The following NVL variants were observed in gnomAD, a reference collection of about 807,000 sequenced individuals.
NVL encodes nuclear valosin-containing protein-like.
NVL carries 84 observed loss-of-function variants against 110.2 expected under a neutral mutation model. The observed-to-expected ratio is 0.76, with a 90% CI of 0.64 to 0.91. The LOEUF is 0.91. Among genes scored for constraint, NVL ranks in the 40% least tolerant of loss-of-function variants. The pLI, the probability that NVL is intolerant of heterozygous loss-of-function variation, is 0.00. For synonymous variants in NVL, 354 were observed against 361.1 expected (o/e 0.98, Z 0.22); for missense variants, 882 against 1,035.9 (o/e 0.85, Z 2.04).
intron 19 of NVL, among the ~76,000 whole-genome samples, chr1:224,239,481 T>C (rs1184589258): frequency 2.6e-5 from 4 of 152,144 alleles, no homozygotes; most frequent in African/African-American, 9.7e-5. Flanking sequence ...TAGGAGCCCT[T>C]GTTAGGTGCT....
intron 17 of NVL, among the ~76,000 whole-genome samples, chr1:224,274,291 A>C (rs1376418323): frequency 1.3e-5 from 2 of 150,520 alleles, no homozygotes; most frequent in South Asian, 4.2e-4. Flanking sequence ...ACTCTGTTTC[A>C]ACAACAACAA....
chr1:224,229,222 G>A (rs1433626910), intron 22 of NVL, among the ~76,000 whole-genome samples: 3 of 151,818 alleles, frequency 2.0e-5, no homozygotes, highest in Non-Finnish European at 4.4e-5. Context: ...CTTGAACTCA[G>A]GAGGCAGAGG....
chr1:224,258,195 C>G (rs1016617557), intron 18 of NVL, among the ~76,000 whole-genome samples: 1 of 152,104 alleles, frequency 6.6e-6, no homozygotes, highest in Non-Finnish European at 1.5e-5. Context: ...ACTCTTACTA[C>G]TCAATGACAA....
At chr1:224,281,468 T>C (rs1666320714) in intron 15 of NVL, among the ~76,000 whole-genome samples, 1 of 151,490 alleles carries the variant, frequency 6.6e-6, no homozygotes, top group Non-Finnish European at 1.5e-5. Flanking sequence ...GCCCGGCTAA[T>C]TTTTTATATT....
In NVL at chr1:224,275,407, T is replaced by C. The variant is rs774470691; in HGVS notation, c.2014A>G (p.Asn672Asp). 1.9e-6 allele frequency: 3 copies of C among 1,614,072 alleles called. No individual in the cohort carries two copies. The highest frequency in any genetic ancestry group is 3.3e-5 in the Admixed American group (2 of 59,998). Residue 672 changes from asparagine (N) to aspartate (D), a missense_variant, in exon 17 of 23, where the codon AAC (asparagine) becomes GAC (aspartate). Physicochemically the swap from Asn to Asp is conservative, Grantham distance 23. This residue lies in a region of NVL where 66 missense variants were observed against 127.5 expected (regional missense o/e 0.52). Coordinates refer to ENST00000281701, the MANE Select transcript of NVL (RefSeq NM_002533.4). ...AVRQVFQRAKNSAPCVIFFDE... is the reference protein window; with the variant it reads ...AVRQVFQRAKDSAPCVIFFDE... The stretch of plus-strand genomic sequence containing the variant: ...AAGAATATCACACAGGGTGCTGAGT[T>C]CTTGGCTCGTTGAAAAACTTGTCGC...
chr1:224,248,804 T>C (rs1482990621), intron 19 of NVL, among the ~76,000 whole-genome samples: 1 of 152,202 alleles, frequency 6.6e-6, no homozygotes, highest in Non-Finnish European at 1.5e-5. Context: ...GAGGAGAAGA[T>C]AGCTCTAGAA....
chr1:224,326,328 T>C, intron 2 of NVL, 63 bp downstream of exon 2: 1 of 1,230,536 alleles, frequency 8.1e-7, no homozygotes, highest in Non-Finnish European at 1.2e-6. Context: ...AGGCAGGATA[T>C]AAACTTTTAA....
intron 9 of NVL, among the ~76,000 whole-genome samples, chr1:224,302,037 C>T (rs761425116): frequency 5.5e-4 from 84 of 152,096 alleles, no homozygotes; most frequent in African/African-American, 1.7e-3. Flanking sequence ...ATTAGAACTA[C>T]GATTGTGGTA....
intron 19 of NVL, among the ~76,000 whole-genome samples, chr1:224,249,456 C>T (rs1286610422): frequency 6.6e-6 from 1 of 151,748 alleles, no homozygotes; most frequent in African/African-American, 2.4e-5. Flanking sequence ...AATATAGGGT[C>T]TTGCGGGGTC....
intron 10 of NVL, among the ~76,000 whole-genome samples, chr1:224,299,461 G>A (rs907709529): frequency 5.3e-5 from 8 of 152,154 alleles, no homozygotes; most frequent in African/African-American, 1.7e-4. Flanking sequence ...GAGGGGACCA[G>A]GAAAAGCGGG....
At chr1:224,308,749 C>T (rs554562596) in intron 5 of NVL, among the ~76,000 whole-genome samples, 1 of 144,324 alleles carries the variant, frequency 6.9e-6, no homozygotes, top group Non-Finnish European at 1.5e-5. Context: ...GACTCACAAA[C>T]AAGCATTTAC....
chr1:224,280,570 C>A (rs548265194), intron 16 of NVL, among the ~76,000 whole-genome samples: 1 of 151,896 alleles, frequency 6.6e-6, no homozygotes, highest in East Asian at 1.9e-4. Flanking sequence ...AAGTAATACA[C>A]AATAGGAAAG....
chr1:224,242,487 C>CTTTTTT (rs11385074), intron 19 of NVL, among the ~76,000 whole-genome samples: 40 of 128,294 alleles, frequency 3.1e-4, no homozygotes, highest in Non-Finnish European at 4.2e-4. Flanking sequence ...CAAATCTATT[C>CTTTTTT]TTTTTTTTTT....
chr1:224,323,184 T>C (rs1393815875), intron 2 of NVL, among the ~76,000 whole-genome samples: 1 of 152,208 alleles, frequency 6.6e-6, no homozygotes, highest in Non-Finnish European at 1.5e-5. Context: ...TGTTTTACTG[T>C]TTTAAAAGTA....
At chr1:224,240,191 C>G (rs754150468) in intron 19 of NVL, among the ~76,000 whole-genome samples, 8 of 152,070 alleles carry the variant, frequency 5.3e-5, no homozygotes, top group Admixed American at 1.3e-4. Flanking sequence ...CCTCAGCCCC[C>G]CAAGTAGCTG....
intron 18 of NVL, among the ~76,000 whole-genome samples, chr1:224,265,573 A>G (rs1664423066): frequency 6.6e-6 from 1 of 152,188 alleles, no homozygotes; most frequent in African/African-American, 2.4e-5. Context: ...TAACGATAGA[A>G]TAGGTTATTA....
At chr1:224,304,974 A>G in intron 7 of NVL, 60 bp downstream of exon 7, 1 of 1,595,664 alleles carries the variant, frequency 6.3e-7, no homozygotes, top group Non-Finnish European at 8.5e-7. Context: ...AGCTTGGGAC[A>G]GAATGATGCT....
intron 9 of NVL, 77 bp downstream of exon 9, chr1:224,303,646 G>T: frequency 6.7e-7 from 1 of 1,498,670 alleles, no homozygotes; most frequent in Non-Finnish European, 9.0e-7. Flanking sequence ...TCTGGTTTAA[G>T]TTGACCAAAG....
chr1:224,272,993 C>T (rs1665305100), intron 17 of NVL, among the ~76,000 whole-genome samples: 1 of 139,494 alleles, frequency 7.2e-6, no homozygotes, highest in Admixed American at 7.3e-5. Context: ...GAGATCCCGC[C>T]ACTGCACTCC....
Sources: allele counts gnomAD v4.1 joint callset (sites outside exome capture counted in the v4.1 genomes callset), GRCh38; gene constraint gnomAD v4.1.1; regional missense constraint gnomAD v4.1.1; transcripts MANE v1.5; gene names NCBI Gene and HGNC (gene_info 2026-07-23, HGNC 2026-07-21).